Variants in ZNF836 observed in about 807,000 individuals in gnomAD.
ZNF836 encodes the protein zinc finger protein 836.
A neutral mutation model predicts 7.4 loss-of-function variants in ZNF836; 12 were observed. That is an observed-to-expected ratio of 1.61 (90% CI 1.03 to 2.61). ZNF836 has a LOEUF of 2.61. Among genes scored for constraint, ZNF836 ranks in the 30% most tolerant of loss-of-function variants. ZNF836 has a pLI of 0.00. For missense variants in ZNF836, 998 were observed against 1,126.2 expected, an observed-to-expected ratio of 0.89 and a Z score of 1.63; for synonymous variants, 365 against 382.6, an observed-to-expected ratio of 0.95 and a Z score of 0.54.
At chr19:52,160,079 A>G (rs956639421) in intron 4 of ZNF836, among the ~76,000 whole-genome samples, 1 of 150,840 alleles carries the variant, frequency 6.6e-6, no homozygotes, top group African/African-American at 2.4e-5. Context: ...GCTACTCAGG[A>G]GGCTGAGGTA....
chr19:52,166,140 C>T (rs747840156), intron 3 of ZNF836, among the ~76,000 whole-genome samples: 18 of 152,012 alleles, frequency 1.2e-4, no homozygotes, highest in Non-Finnish European at 2.2e-4. Context: ...TACAGGCATG[C>T]GCCACCACGC....
At chr19:52,167,230 G>T (rs8111344) in intron 3 of ZNF836, among the ~76,000 whole-genome samples, 3,404 of 151,742 alleles carry the variant, frequency 0.022, 135 homozygotes, top group African/African-American at 0.077. Context: ...CCTGCATTTT[G>T]GGAGGCCGAG....
intron 2 of ZNF836, 107 bp from the exon 3 acceptor site, chr19:52,168,259 G>T: frequency 1.6e-6 from 1 of 640,358 alleles, no homozygotes; most frequent in Non-Finnish European, 2.6e-6. Context: ...ACAGCCCACT[G>T]CACCAGGGGG....
intron 3 of ZNF836, 156 bp from the exon 4 acceptor site, chr19:52,160,747 T>C: frequency 2.2e-6 from 2 of 902,094 alleles, no homozygotes; most frequent in South Asian, 4.1e-5. Flanking sequence ...TAATTTAAGT[T>C]TGTTTTAAAA....
Position 52,156,109 on chromosome 19 carries a change from C to A in ZNF836, c.1574G>T (p.Arg525Leu), listed in dbSNP as rs149733061. 7 of 1,613,964 alleles carry A rather than the reference C, an allele frequency of 4.3e-6. No homozygotes were observed. The highest frequency in any genetic ancestry group is 5.9e-6 in the Non-Finnish European group (7 of 1,179,904). ...RHKIIHTREK[R>L]YQCGECGKVF... ...CTTTCCACATTCACCGCATTGGTAA[C>A]GTTTCTCTCTGGTATGAATTATCTT... The change falls in exon 5 of 5, where the codon CGT becomes CTT. Residue 525 changes from arginine to leucine, a missense_variant. Coordinates refer to ENST00000682614, the MANE Select transcript of ZNF836 (RefSeq NM_001102657.3).
rs2089177389 is a variant in ZNF836, at chr19:52,157,559, A to G, written c.143-19T>C. On this transcript the variant is annotated intron_variant, in intron 4 of 4. Coordinates refer to ENST00000682614, the MANE Select transcript of ZNF836 (RefSeq NM_001102657.3). ...AGGATACCTACAAAATATAATGAAC[A>G]TGGGAGTTTTTTCGTTGGTTTTTTT... 4 of 1,463,280 alleles carry G rather than the reference A, an allele frequency of 2.7e-6. No homozygotes were observed. The South Asian group carries it at 6.0e-5, about 22-fold the overall frequency. 90.6% of individuals were successfully genotyped at this position (1,463,280 alleles called of 1,614,324 possible). A position where few individuals can be genotyped will look rare whatever the true frequency, so the allele number is the denominator to read the frequency against.
In ZNF836 at chr19:52,154,867, A is replaced by G; in HGVS notation, c.*5T>C. 4.0e-6 allele frequency: 6 copies of G among 1,506,736 alleles called. No homozygotes were observed. Among genetic ancestry groups the G allele is most frequent in the Non-Finnish European group, 4.4e-6 (5 of 1,129,604 alleles). The allele number at this position is 1,506,736 out of a possible 1,614,324, so 93.3% of individuals were successfully genotyped here. On this transcript the variant is annotated 3_prime_UTR_variant, in exon 5 of 5. Transcript: ENST00000682614. ...AAATATACAAGCTATATCAATAAGT[A>G]TGAATTATTTGAACCCAGAAGTTAG...
At chr19:52,158,466 C>T (rs71358864) in intron 4 of ZNF836, among the ~76,000 whole-genome samples, 7,728 of 152,018 alleles carry the variant, frequency 0.051, 237 homozygotes, top group South Asian at 0.074. Flanking sequence ...TATTTCTGGC[C>T]GGGCGCAGTG....
At chr19:52,159,918 T>A (rs1055425372) in intron 4 of ZNF836, among the ~76,000 whole-genome samples, 6 of 152,082 alleles carry the variant, frequency 3.9e-5, no homozygotes, top group Non-Finnish European at 5.9e-5. Context: ...GCGTGGTGAC[T>A]CACGCCTGTA....
At position 52,156,175 on chromosome 19, in the gene ZNF836, C is replaced by G; in HGVS notation, c.1508G>C (p.Cys503Ser). 6.2e-7 allele frequency: 1 copy of G among 1,614,174 alleles called. No homozygotes were observed. Among genetic ancestry groups the G allele is most frequent in the Non-Finnish European group, 8.5e-7 (1 of 1,180,038 alleles). Residue 503 changes from cysteine to serine, a missense_variant, in exon 5 of 5, where the codon TGT (cysteine) becomes TCT (serine). Transcript: ENST00000682614. ...TGAGCCCTGTTTAAAGGCTTTACCA[C>G]ATTTATCACATTTGTAAGGTTTCTC... ...TGEKPYKCDKCGKAFKQGSLL... is the reference protein window; with the variant it reads ...TGEKPYKCDKSGKAFKQGSLL...
rs138866586 is a variant in ZNF836, at chr19:52,161,086, TAGAG to T, written c.16-499_16-496del. Among the ~76,000 whole-genome samples, 928 of 152,266 alleles carry T rather than the reference TAGAG, an allele frequency of 6.1e-3. 14 individuals are homozygous for T. The highest frequency in any genetic ancestry group is 0.022 in the African/African-American group (897 of 41,558). ...CTAATTCAAATAATAACATAATAGA[TAGAG>T]AGATAGAGAGATTTGTTCCCATGTT... is the stretch of plus-strand genomic sequence containing the variant. On this transcript the variant is annotated intron_variant, in intron 3 of 4. Transcript: ENST00000682614. This position sits in a 1 kb window ranked among gnomAD's most constrained non-coding sequence, Gnocchi z 4.1.
rs1432336051 is a variant in ZNF836 at position 52,161,077 on chromosome 19, C to T, written c.16-486G>A. The stretch of plus-strand genomic sequence containing the variant: ...TTACATGTTCTAATTCAAATAATAA[C>T]ATAATAGATAGAGAGATAGAGAGAT... On this transcript the variant is annotated intron_variant, in intron 3 of 4. Coordinates refer to ENST00000682614, the MANE Select transcript of ZNF836 (RefSeq NM_001102657.3). This position sits in a 1 kb window ranked among gnomAD's most constrained non-coding sequence, Gnocchi z 4.1. 1.3e-5 allele frequency among the ~76,000 whole-genome samples: 2 copies of T among 152,102 alleles called. No homozygotes were observed. Among genetic ancestry groups the T allele is most frequent in the Non-Finnish European group, 1.5e-5 (1 of 68,032 alleles).
rs2089154381 is a variant in ZNF836 at position 52,156,021 on chromosome 19, G to A, written c.1662C>T (p.Tyr554=). 1.2e-6 allele frequency: 2 copies of A among 1,613,852 alleles called. No homozygotes were observed. The highest frequency in any genetic ancestry group is 2.2e-5 in the South Asian group (2 of 91,082). Residue 554 remains tyrosine (Y), a synonymous_variant, in exon 5 of 5, where the codon TAC becomes TAT. Coordinates refer to ENST00000682614, the MANE Select transcript of ZNF836 (RefSeq NM_001102657.3). The part of the protein sequence containing the change: ...HLRIHTGEQP[Y]KCNVCGKVFN... The stretch of plus-strand genomic sequence containing the variant: ...AGACCTTGCCACACACATTACATTT[G>A]TAAGGTTGCTCCCCAGTATGAATTC...
At chr19:52,166,596 C>T (rs1171927847) in intron 3 of ZNF836, among the ~76,000 whole-genome samples, 6 of 130,994 alleles carry the variant, frequency 4.6e-5, no homozygotes, top group Admixed American at 1.7e-4. Flanking sequence ...TTTTTTGAGA[C>T]GGAGTCTCGC....
At position 52,157,249 on chromosome 19, in the gene ZNF836, A is replaced by G; in HGVS notation, c.434T>C (p.Phe145Ser). The G allele has an allele frequency of 6.2e-7, 1 of 1,608,624 alleles. No homozygotes were observed. The change falls in exon 5 of 5, where the codon TTT (phenylalanine) becomes TCT (serine). Residue 145 changes from phenylalanine (F) to serine (S), a missense_variant. Coordinates refer to ENST00000682614, the MANE Select transcript of ZNF836 (RefSeq NM_001102657.3). ...KCIENQLTLSFQSRLTELQKF... is the reference protein window; with the variant it reads ...KCIENQLTLSSQSRLTELQKF... ...CTGCAGTTCAGTCAGACGTGACTGA[A>G]AGCTTAATGTAAGCTGATTTTCAAT... is the stretch of plus-strand genomic sequence containing the variant.
Position 52,156,858 on chromosome 19 carries a change from T to C in ZNF836, c.825A>G (p.Gln275=). 1.2e-6 allele frequency: 2 copies of C among 1,614,208 alleles called. No homozygotes were observed. The change falls in exon 5 of 5, where the codon CAA becomes CAG. Residue 275 remains glutamine, a synonymous_variant. Coordinates refer to ENST00000682614, the MANE Select transcript of ZNF836 (RefSeq NM_001102657.3). ...TGAAGATCTTGCCACATACACCACA[T>C]TGATATGGCTTCCCCCTTGTATGGA... The part of the protein sequence containing the change: ...QIVHTRGKPY[Q]CGVCGKIFRQ...
At chr19:52,159,910 G>A (rs1210790725) in intron 4 of ZNF836, among the ~76,000 whole-genome samples, 1 of 152,080 alleles carries the variant, frequency 6.6e-6, no homozygotes. Flanking sequence ...TAGAAGTAGC[G>A]TGGTGACTCA....
At chr19:52,168,209 T>G in intron 2 of ZNF836, 57 bp from the exon 3 acceptor site, 1 of 1,157,628 alleles carries the variant, frequency 8.6e-7, no homozygotes, top group Non-Finnish European at 1.2e-6. Flanking sequence ...CTTTCTGCGC[T>G]ACAACCATGC....
In ZNF836 at chr19:52,155,852, T is replaced by A; in HGVS notation, c.1831A>T (p.Lys611Ter). Residue 611 changes from lysine (K) to a stop codon, truncating the protein, a stop_gained, in exon 5 of 5, where the codon AAA becomes TAA. Transcript: ENST00000682614. LOFTEE classifies it low-confidence loss of function (END_TRUNC). ...AAGACCTTGCCACACACATTACATTTGTAAGGTTTCTGCCCAGTATGAATT... is the reference window on the plus strand; with the variant it reads ...AAGACCTTGCCACACACATTACATTAGTAAGGTTTCTGCCCAGTATGAATT... The part of the protein sequence containing the change: ...LRIHTGQKPY[K>*]CNVCGKVFND... 6.2e-7 allele frequency: 1 copy of A among 1,613,998 alleles called. No homozygotes were observed. Among genetic ancestry groups the A allele is most frequent in the Non-Finnish European group, 8.5e-7 (1 of 1,179,894 alleles).
Sources: allele counts gnomAD v4.1 joint callset (sites outside exome capture counted in the v4.1 genomes callset), GRCh38; gene constraint gnomAD v4.1.1; non-coding constraint Gnocchi (gnomAD v3.1); transcripts MANE v1.5; gene names NCBI Gene and HGNC (gene_info 2026-07-23, HGNC 2026-07-21).